ALK: variants seen among roughly 807,000 people sequenced by gnomAD.
ALK encodes the protein ALK tyrosine kinase receptor.
A neutral mutation model predicts 163.1 loss-of-function variants in ALK; 74 were observed. That is an observed-to-expected ratio of 0.45 (90% CI 0.38 to 0.55). The LOEUF (loss-of-function observed/expected upper bound fraction) is 0.55, where lower values mean the gene tolerates loss of function less well. Among genes scored for constraint, ALK ranks in the 20% least tolerant of loss-of-function variants. The pLI is 0.00. For synonymous variants in ALK, 960 were observed against 843.2 expected (o/e 1.14, Z -2.40); for missense variants, 2,063 against 2,105.3 (o/e 0.98, Z 0.39).
chr2:29,777,512 C>T (rs1167287422), intron 1 of ALK, among the ~76,000 whole-genome samples: 1 of 152,178 alleles, frequency 6.6e-6, no homozygotes. Flanking sequence ...TCTTCTACCA[C>T]CCAGAAACCT....
chr2:29,880,375 C>G (rs971333472), intron 1 of ALK, among the ~76,000 whole-genome samples: 1 of 152,166 alleles, frequency 6.6e-6, no homozygotes, highest in South Asian at 2.1e-4. Context: ...AGCAGGAAGT[C>G]GGGGTGTATC....
At chr2:29,710,978 C>T (rs1355729204) in intron 2 of ALK, among the ~76,000 whole-genome samples, 3 of 152,194 alleles carry the variant, frequency 2.0e-5, no homozygotes, top group Non-Finnish European at 4.4e-5. Flanking sequence ...CTCTAGATGT[C>T]TTGGTCAACA....
At chr2:29,401,421 T>C (rs1185012957) in intron 4 of ALK, among the ~76,000 whole-genome samples, 1 of 152,172 alleles carries the variant, frequency 6.6e-6, no homozygotes, top group Non-Finnish European at 1.5e-5. Context: ...ACCCCCTGTA[T>C]CATATTCCTT....
At chr2:29,426,162 A>G (rs1217928905) in intron 4 of ALK, among the ~76,000 whole-genome samples, 2 of 152,236 alleles carry the variant, frequency 1.3e-5, no homozygotes, top group African/African-American at 2.4e-5. Flanking sequence ...ACAGTCAAAG[A>G]GAAACTTGTT....
chr2:29,324,217 T>C (rs1405553653), intron 6 of ALK, among the ~76,000 whole-genome samples: 2 of 152,222 alleles, frequency 1.3e-5, no homozygotes, highest in Non-Finnish European at 2.9e-5. Context: ...GAGAGACAAA[T>C]TGGTACAGTC....
intron 3 of ALK, among the ~76,000 whole-genome samples, chr2:29,619,070 A>G (rs535184666): frequency 5.9e-5 from 9 of 152,338 alleles, no homozygotes; most frequent in African/African-American, 2.2e-4. Context: ...AAATGATTAT[A>G]TAACACAAGA....
At chr2:29,340,321 G>A (rs1323849813) in intron 5 of ALK, among the ~76,000 whole-genome samples, 1 of 152,212 alleles carries the variant, frequency 6.6e-6, no homozygotes, top group Admixed American at 6.5e-5. Context: ...TTTAGATTCT[G>A]CAGCAGAGAA....
intron 1 of ALK, among the ~76,000 whole-genome samples, chr2:29,845,083 T>C (rs1665806764): frequency 1.3e-5 from 2 of 152,182 alleles, no homozygotes; most frequent in Non-Finnish European, 2.9e-5. Flanking sequence ...TCATTTCCTG[T>C]CTCCAGGCAC....
intron 4 of ALK, among the ~76,000 whole-genome samples, chr2:29,385,881 A>C (rs944033439): frequency 6.6e-6 from 1 of 152,190 alleles, no homozygotes; most frequent in Non-Finnish European, 1.5e-5. Context: ...TGCCAAAGCT[A>C]ACTCTGTGTA....
chr2:29,490,321 G>A (rs991586054), intron 4 of ALK, among the ~76,000 whole-genome samples: 2 of 152,220 alleles, frequency 1.3e-5, no homozygotes, highest in African/African-American at 4.8e-5. Context: ...TTAATATGCT[G>A]TTCTGGATCA....
At chr2:29,697,374 C>G (rs1678598858) in intron 2 of ALK, among the ~76,000 whole-genome samples, 1 of 152,128 alleles carries the variant, frequency 6.6e-6, no homozygotes, top group African/African-American at 2.4e-5. Context: ...AGGGCCCATG[C>G]CCTGGGATGT....
At position 29,217,016 on chromosome 2, in the gene ALK, GTGTA is replaced by G. The variant is rs939209273; in HGVS notation, c.3646-2939_3646-2936del. On this transcript the variant is annotated intron_variant, in intron 23 of 28. Transcript: ENST00000389048. ...TGAGGTGTGTGTGGTGTGTGCGTGAGTGTATGTGGTATGTGTCTGGGGGCATGTG... is the reference window on the plus strand; with the variant it reads ...TGAGGTGTGTGTGGTGTGTGCGTGAGTGTGGTATGTGTCTGGGGGCATGTG... 1.2e-4 allele frequency among the ~76,000 whole-genome samples: 17 copies of G among 138,596 alleles called. No homozygotes were observed. In the South Asian group the frequency reaches 3.1e-3, roughly 25 times the overall value. 90.9% of individuals were successfully genotyped at this position (138,596 alleles called of 152,430 possible).
At chr2:29,899,425 G>A (rs1166144157) in intron 1 of ALK, among the ~76,000 whole-genome samples, 7 of 152,176 alleles carry the variant, frequency 4.6e-5, no homozygotes, top group African/African-American at 1.7e-4. Flanking sequence ...CTCACCCTGA[G>A]GAAGGCAGAG....
chr2:29,880,884 C>A (rs902201496), intron 1 of ALK, among the ~76,000 whole-genome samples: 1 of 152,110 alleles, frequency 6.6e-6, no homozygotes, highest in Non-Finnish European at 1.5e-5. Flanking sequence ...GCTTTTCTGG[C>A]CTTTAAAATT....
intron 3 of ALK, among the ~76,000 whole-genome samples, chr2:29,590,843 G>A (rs545605357): frequency 6.6e-6 from 1 of 151,776 alleles, no homozygotes; most frequent in East Asian, 1.9e-4. Flanking sequence ...AGGCCGAGAC[G>A]GGCGGATCAC....
rs572128778 is a variant in ALK, at chr2:29,550,326, G to A, written c.953-18210C>T. 8.0e-4 allele frequency among the ~76,000 whole-genome samples: 122 copies of A among 152,000 alleles called. 1 individual carries two copies. The highest frequency in any genetic ancestry group is 2.9e-3 in the African/African-American group (122 of 41,448). ...AAGATGGTGTAGACTGAGGGGCCCAGAGCCCAGGAGCTCCATGAAGATGAC... is the reference window on the plus strand; with the variant it reads ...AAGATGGTGTAGACTGAGGGGCCCAAAGCCCAGGAGCTCCATGAAGATGAC... On this transcript the variant is annotated intron_variant, in intron 3 of 28. Transcript: ENST00000389048.
At chr2:29,898,554 A>G (rs1667331026) in intron 1 of ALK, among the ~76,000 whole-genome samples, 1 of 152,210 alleles carries the variant, frequency 6.6e-6, no homozygotes, top group African/African-American at 2.4e-5. Flanking sequence ...AGCCCTGTAA[A>G]ATAATCCTTT....
chr2:29,485,873 A>T (rs1182022290), intron 4 of ALK, among the ~76,000 whole-genome samples: 1 of 151,880 alleles, frequency 6.6e-6, no homozygotes, highest in African/African-American at 2.4e-5. Flanking sequence ...TTTTTTTAGG[A>T]TCCTTTTTGT....
At chr2:29,457,277 T>C (rs1573371075) in intron 4 of ALK, among the ~76,000 whole-genome samples, 1 of 152,026 alleles carries the variant, frequency 6.6e-6, no homozygotes, top group South Asian at 2.1e-4. Context: ...TGTTTCTGGG[T>C]GGTGAGTCAC....
Sources: allele counts gnomAD v4.1 joint callset (sites outside exome capture counted in the v4.1 genomes callset), GRCh38; gene constraint gnomAD v4.1.1; transcripts MANE v1.5; gene names NCBI Gene and HGNC (gene_info 2026-07-23, HGNC 2026-07-21).